PHACTR1: variants seen among roughly 807,000 people sequenced by gnomAD.
PHACTR1 encodes phosphatase and actin regulator 1, also known as RPEL repeat containing 1.
In PHACTR1, 16 loss-of-function variants were observed where a neutral mutation model predicts 69.2. That is an observed-to-expected ratio of 0.23 (90% confidence interval 0.16 to 0.35). PHACTR1 has a LOEUF of 0.35. PHACTR1 is among the 10% of genes least tolerant of loss of function. The pLI is 1.00. For synonymous variants in PHACTR1, 312 were observed against 284.5 expected (o/e 1.10, Z -0.97); for missense variants, 510 against 734.7 (o/e 0.69, Z 3.54).
At chr6:13,128,826 G>C (rs1819955299) in intron 5 of PHACTR1, among the ~76,000 whole-genome samples, 1 of 152,086 alleles carries the variant, frequency 6.6e-6, no homozygotes, top group African/African-American at 2.4e-5. Context: ...ATTGCAAAAA[G>C]ATTATCACCT....
chr6:13,168,932 C>CCACGTAAT (rs1384783692), intron 6 of PHACTR1, among the ~76,000 whole-genome samples: 2 of 152,024 alleles, frequency 1.3e-5, no homozygotes, highest in African/African-American at 4.8e-5. Flanking sequence ...GGAGGGTTTT[C>CCACGTAAT]CACGTAATCA....
At chr6:12,953,494 T>G (rs1454568793) in intron 4 of PHACTR1, among the ~76,000 whole-genome samples, 1 of 152,142 alleles carries the variant, frequency 6.6e-6, no homozygotes, top group Non-Finnish European at 1.5e-5. Context: ...TGTTTGCAAA[T>G]AAGTTAACAA....
At chr6:12,842,712 T>G (rs1778819925) in intron 4 of PHACTR1, among the ~76,000 whole-genome samples, 1 of 151,968 alleles carries the variant, frequency 6.6e-6, no homozygotes, top group African/African-American at 2.4e-5. Flanking sequence ...CAGCTGATTT[T>G]TTTTTTTGCT....
chr6:13,250,008 C>T (rs1041233879), intron 10 of PHACTR1, among the ~76,000 whole-genome samples: 2 of 152,132 alleles, frequency 1.3e-5, no homozygotes, highest in African/African-American at 4.8e-5. Context: ...ACCCACCCCA[C>T]TCTCTGTCTT....
intron 12 of PHACTR1, among the ~76,000 whole-genome samples, chr6:13,282,120 G>A (rs924971939): frequency 3.9e-5 from 6 of 152,242 alleles, no homozygotes; most frequent in African/African-American, 1.4e-4. Flanking sequence ...TTGCAGAGTC[G>A]AAACTGCCAG....
intron 4 of PHACTR1, among the ~76,000 whole-genome samples, chr6:12,837,962 G>A (rs1252305861): frequency 6.6e-6 from 1 of 152,186 alleles, no homozygotes; most frequent in Non-Finnish European, 1.5e-5. Flanking sequence ...TCATCTGAAG[G>A]CCCAACTGGG....
At chr6:12,891,186 G>T (rs905168091) in intron 4 of PHACTR1, among the ~76,000 whole-genome samples, 1 of 152,002 alleles carries the variant, frequency 6.6e-6, no homozygotes, top group Non-Finnish European at 1.5e-5. Context: ...TTTTCTTGGG[G>T]GGATAATATC....
chr6:12,858,827 C>CA (rs1780663866), intron 4 of PHACTR1, among the ~76,000 whole-genome samples: 1 of 140,668 alleles, frequency 7.1e-6, no homozygotes. Flanking sequence ...CACACACACA[C>CA]CACACACACA....
intron 4 of PHACTR1, among the ~76,000 whole-genome samples, chr6:13,027,998 G>A (rs1801945801): frequency 6.6e-6 from 1 of 152,182 alleles, no homozygotes; most frequent in Admixed American, 6.5e-5. Context: ...TCACACTAGG[G>A]TGGAAAACTG....
intron 6 of PHACTR1, among the ~76,000 whole-genome samples, chr6:13,181,365 A>G (rs1561951884): frequency 6.6e-6 from 1 of 152,314 alleles, no homozygotes; most frequent in East Asian, 1.9e-4. Context: ...TTCTGGTTTT[A>G]AGTCGGATAA....
intron 4 of PHACTR1, among the ~76,000 whole-genome samples, chr6:12,982,503 A>G (rs1341459773): frequency 6.6e-6 from 1 of 152,122 alleles, no homozygotes; most frequent in African/African-American, 2.4e-5. Context: ...ACATGGTCAA[A>G]CCCCATCTCT....
At chr6:13,104,387 T>G (rs1815739548) in intron 5 of PHACTR1, among the ~76,000 whole-genome samples, 1 of 152,206 alleles carries the variant, frequency 6.6e-6, no homozygotes, top group Non-Finnish European at 1.5e-5. Flanking sequence ...GGGGTACACA[T>G]GGTGACTGAA....
At chr6:13,070,803 G>T (rs1422397960) in intron 5 of PHACTR1, among the ~76,000 whole-genome samples, 3 of 143,214 alleles carry the variant, frequency 2.1e-5, no homozygotes, top group Admixed American at 1.4e-4. Context: ...ATATGAATTT[G>T]CCTGCTTAAA....
intron 4 of PHACTR1, among the ~76,000 whole-genome samples, chr6:12,956,266 A>G (rs1012424237): frequency 6.6e-6 from 1 of 152,190 alleles, no homozygotes. Context: ...GCGCTTTGAC[A>G]TGGAAAAAGC....
chr6:12,879,685 G>A (rs914636101), intron 4 of PHACTR1, among the ~76,000 whole-genome samples: 2 of 152,024 alleles, frequency 1.3e-5, no homozygotes, highest in African/African-American at 4.8e-5. Context: ...TTCCTGTTTG[G>A]TCCTTAACAA....
chr6:12,769,020 A>G (rs1381819347), intron 4 of PHACTR1, among the ~76,000 whole-genome samples: 1 of 152,132 alleles, frequency 6.6e-6, no homozygotes, highest in Non-Finnish European at 1.5e-5. Flanking sequence ...AGTTGATTTC[A>G]TATTAGCAGA....
At chr6:13,183,175 C>T (rs543826007) in intron 7 of PHACTR1, among the ~76,000 whole-genome samples, 1 of 152,182 alleles carries the variant, frequency 6.6e-6, no homozygotes, top group African/African-American at 2.4e-5. Flanking sequence ...TGAATTGTAT[C>T]CTGCTGATAG....
intron 7 of PHACTR1, among the ~76,000 whole-genome samples, chr6:13,192,663 A>C (rs1763765381): frequency 6.6e-6 from 1 of 152,254 alleles, no homozygotes; most frequent in African/African-American, 2.4e-5. Flanking sequence ...GGATGTATAA[A>C]TAAACTGGGG....
At chr6:12,821,279 T>C (rs900953231) in intron 4 of PHACTR1, among the ~76,000 whole-genome samples, 1 of 152,002 alleles carries the variant, frequency 6.6e-6, no homozygotes, top group Non-Finnish European at 1.5e-5. Flanking sequence ...CTGGCCAACA[T>C]GGTGAAACCC....
Sources: gnomAD v4.1 joint callset for allele counts (sites outside exome capture counted in the v4.1 genomes callset) on GRCh38, gnomAD v4.1.1 for gene constraint, MANE v1.5 for transcripts, NCBI Gene and HGNC (gene_info 2026-07-23, HGNC 2026-07-21) for gene names.